The following EPHB2 variants were observed in gnomAD, a reference collection of about 807,000 sequenced individuals.
The protein encoded by EPHB2 is ephrin type-B receptor 2.
A neutral mutation model predicts 96.4 loss-of-function variants in EPHB2; 18 were observed. The ratio of observed to expected loss-of-function variants is 0.19; its 90% CI spans 0.13 to 0.28. The LOEUF (loss-of-function observed/expected upper bound fraction) is 0.28, where lower values mean the gene tolerates loss of function less well. Ranked by LOEUF, EPHB2 falls within the 10% of genes least tolerant of loss-of-function variation. The pLI, the probability that EPHB2 is intolerant of heterozygous loss-of-function variation, is 1.00. For synonymous variants in EPHB2, 506 were observed against 534.1 expected (o/e 0.95, Z 0.72); for missense variants, 989 against 1,355.4 (o/e 0.73, Z 4.25).
At chr1:22,721,780 A>ATT (rs555671339) in intron 1 of EPHB2, among the ~76,000 whole-genome samples, 1,460 of 141,136 alleles carry the variant, frequency 0.01, 30 homozygotes, top group African/African-American at 0.036. Flanking sequence ...CGCATCCAGC[A>ATT]TTTTTTTTTT....
chr1:22,795,486 G>A (rs1644754241), intron 3 of EPHB2, among the ~76,000 whole-genome samples: 1 of 148,878 alleles, frequency 6.7e-6, no homozygotes, highest in South Asian at 2.1e-4. Context: ...GTTTTGTTTT[G>A]TTTTGTTTTG....
intron 5 of EPHB2, among the ~76,000 whole-genome samples, chr1:22,877,458 G>A (rs543694264): frequency 3.9e-5 from 6 of 152,154 alleles, no homozygotes; most frequent in Admixed American, 6.5e-5. Context: ...TGTTTTAGTT[G>A]AGGAGCAGGT....
chr1:22,811,431 A>G lies in EPHB2; in HGVS notation c.811+26355A>G, dbSNP rs531216983. ...CCAGGCCAGGTTTAGGCAGAAAGTC[A>G]TCTTTTCCCTTCTCTTTCACTCTCA... On this transcript the variant is annotated intron_variant, in intron 3 of 15. Transcript: ENST00000374630. 3.9e-5 allele frequency among the ~76,000 whole-genome samples: 6 copies of G among 152,342 alleles called. 1 individual carries two copies. Among genetic ancestry groups the G allele is most frequent in the African/African-American group, 1.4e-4 (6 of 41,566 alleles).
At chr1:22,907,838 G>T in intron 11 of EPHB2, 115 bp from the exon 12 acceptor site, 1 of 1,311,134 alleles carries the variant, frequency 7.6e-7, no homozygotes, top group South Asian at 1.2e-5. Flanking sequence ...CCTTCCCCAG[G>T]GGAGCCCAGA....
chr1:22,801,139 G>A (rs140779110), intron 3 of EPHB2, among the ~76,000 whole-genome samples: 1 of 152,280 alleles, frequency 6.6e-6, no homozygotes, highest in African/African-American at 2.4e-5. Flanking sequence ...CCTGAGCCTC[G>A]GGTTCCTCCT....
intron 6 of EPHB2, among the ~76,000 whole-genome samples, chr1:22,885,172 C>T (rs978610382): frequency 1.3e-5 from 2 of 152,106 alleles, no homozygotes; most frequent in African/African-American, 4.8e-5. Context: ...CAGGAGCCAG[C>T]ATCTCTGCTC....
In EPHB2 at chr1:22,883,923, C is replaced by T. The variant is rs574798613; in HGVS notation, c.1428+1440C>T. Among the ~76,000 whole-genome samples, 4 of 152,258 alleles carry T rather than the reference C, an allele frequency of 2.6e-5. No homozygotes were observed. In the South Asian group the frequency reaches 8.3e-4, roughly 32 times the overall value. On this transcript the variant is annotated intron_variant, in intron 6 of 15. Transcript: ENST00000374630. Reference sequence around the variant, plus strand: ...ATGAACAAGTGAATGAATCCTTTCCCTTGTGCCCTGGCCCCCAAACACCTC... The same window carrying T: ...ATGAACAAGTGAATGAATCCTTTCCTTTGTGCCCTGGCCCCCAAACACCTC...
rs1002056181 is a variant in EPHB2, at chr1:22,872,509, C to T, written c.1303+7297C>T. On this transcript the variant is annotated intron_variant, in intron 5 of 15. Coordinates refer to ENST00000374630, the MANE Select transcript of EPHB2 (RefSeq NM_017449.5). ...CATCTTTGGGGGGTCATTATTCTGCCTATCACAGAAGTTAAACCTACATCA... is the reference window on the plus strand; with the variant it reads ...CATCTTTGGGGGGTCATTATTCTGCTTATCACAGAAGTTAAACCTACATCA... Among the ~76,000 whole-genome samples, 5 of 152,302 alleles carry T rather than the reference C, an allele frequency of 3.3e-5. No individual in the cohort carries two copies. The East Asian group carries it at 7.7e-4, about 24-fold the overall frequency.
chr1:22,774,808 A>G (rs899937693), intron 1 of EPHB2, among the ~76,000 whole-genome samples: 3 of 152,210 alleles, frequency 2.0e-5, no homozygotes, highest in African/African-American at 7.2e-5. Context: ...CCTAGTTCTC[A>G]GTGTTGAGGG....
chr1:22,893,963 C>T (rs1639472213), intron 7 of EPHB2, among the ~76,000 whole-genome samples: 1 of 152,204 alleles, frequency 6.6e-6, no homozygotes, highest in Non-Finnish European at 1.5e-5. Flanking sequence ...AACCACTAGG[C>T]GTGCCTTGGC....
At chr1:22,910,616 C>A in intron 14 of EPHB2, 41 bp downstream of exon 14, 1 of 1,608,122 alleles carries the variant, frequency 6.2e-7, no homozygotes, top group African/African-American at 1.3e-5. Flanking sequence ...AGGCCCTGCC[C>A]CTCTTCCCGT....
intron 3 of EPHB2, among the ~76,000 whole-genome samples, chr1:22,831,694 G>C (rs906101845): frequency 3.3e-5 from 5 of 152,112 alleles, no homozygotes; most frequent in Non-Finnish European, 7.4e-5. Flanking sequence ...ATGATTATAA[G>C]GGGAGGGCCA....
rs1644673280 is a variant in EPHB2, at chr1:22,790,336, A to G, written c.811+5260A>G. Among the ~76,000 whole-genome samples, 2 of 152,112 alleles carry G rather than the reference A, an allele frequency of 1.3e-5. No homozygotes were observed. Among genetic ancestry groups the G allele is most frequent in the African/African-American group, 4.8e-5 (2 of 41,408 alleles). ...CCTAATCGGGGTCTACACTGGGCATACAGCTGCCAGGTGAGGATTCCTGGG... is the reference window on the plus strand; with the variant it reads ...CCTAATCGGGGTCTACACTGGGCATGCAGCTGCCAGGTGAGGATTCCTGGG... On this transcript the variant is annotated intron_variant, in intron 3 of 15. Transcript: ENST00000374630. This position sits in a 1 kb window ranked among gnomAD's most constrained non-coding sequence, Gnocchi z 4.0.
chr1:22,920,439 G>C lies in EPHB2; in HGVS notation c.*6869G>C, dbSNP rs1055895827. ...AGTCTTAACACTGGACAACCACAGG[G>C]TGTTGCTGCAAACTCCAGAGCCAGG... On this transcript the variant is annotated 3_prime_UTR_variant, in exon 16 of 16. Coordinates refer to ENST00000374630, the MANE Select transcript of EPHB2 (RefSeq NM_017449.5). 1 of 152,440 alleles carries C rather than the reference G, an allele frequency of 6.6e-6. No homozygotes were observed. Among genetic ancestry groups the C allele is most frequent in the African/African-American group, 2.4e-5 (1 of 41,446 alleles). 9.4% of individuals were successfully genotyped at this position (152,440 alleles called of 1,614,324 possible). A position where few individuals can be genotyped will look rare whatever the true frequency, so the allele number is the denominator to read the frequency against.
chr1:22,870,114 A>G (rs1056431429), intron 5 of EPHB2, among the ~76,000 whole-genome samples: 3 of 152,212 alleles, frequency 2.0e-5, no homozygotes, highest in Non-Finnish European at 4.4e-5. Context: ...CCTAAAATTC[A>G]ATATATAAAT....
intron 3 of EPHB2, among the ~76,000 whole-genome samples, chr1:22,837,134 G>A (rs1645397669): frequency 6.6e-6 from 1 of 152,222 alleles, no homozygotes; most frequent in African/African-American, 2.4e-5. Flanking sequence ...CGTCAGGGAT[G>A]GGAGAGCTGT....
intron 3 of EPHB2, among the ~76,000 whole-genome samples, chr1:22,812,970 T>C (rs1645023968): frequency 6.6e-6 from 1 of 152,224 alleles, no homozygotes; most frequent in Admixed American, 6.5e-5. Flanking sequence ...TGTATTTTTC[T>C]TCTGTCACCC....
chr1:22,715,089 C>A (rs539095828), intron 1 of EPHB2, among the ~76,000 whole-genome samples: 1 of 152,082 alleles, frequency 6.6e-6, no homozygotes, highest in Admixed American at 6.6e-5. Flanking sequence ...TGCTCAGTAA[C>A]GGAATGACAT....
At chr1:22,898,281 C>T (rs12746622) in intron 9 of EPHB2, among the ~76,000 whole-genome samples, 48,576 of 151,698 alleles carry the variant, frequency 0.32, 9,875 homozygotes, top group Non-Finnish European at 0.45. Context: ...ATCAGGGTGG[C>T]GTTTTTAAAT....
Sources: allele counts gnomAD v4.1 joint callset (sites outside exome capture counted in the v4.1 genomes callset), GRCh38; gene constraint gnomAD v4.1.1; non-coding constraint Gnocchi (gnomAD v3.1); transcripts MANE v1.5; gene names NCBI Gene and HGNC (gene_info 2026-07-23, HGNC 2026-07-21).